Variants in GCNT4 observed in about 807,000 individuals in gnomAD.
GCNT4 encodes the protein glucosaminyl (N-acetyl) transferase 4, also known as beta-1,3-galactosyl-O-glycosyl-glycoprotein beta-1,6-N-acetylglucosaminyltransferase 4.
Under a neutral mutation model 31.3 loss-of-function variants are expected in GCNT4, and 17 were observed. The observed-to-expected ratio is 0.54, with a 90% CI of 0.37 to 0.81. GCNT4 has a LOEUF of 0.81. Among genes scored for constraint, GCNT4 ranks in the 40% least tolerant of loss-of-function variants. The pLI, the probability that GCNT4 is intolerant of heterozygous loss-of-function variation, is 0.00. For missense variants in GCNT4, 503 were observed against 525.5 expected (o/e 0.96, Z 0.42); for synonymous variants, 158 against 190.6 (o/e 0.83, Z 1.41).
chr5:75,041,365 T>C (rs1743315358), intron 3 of GCNT4, among the ~76,000 whole-genome samples: 3 of 152,254 alleles, frequency 2.0e-5, no homozygotes, highest in Admixed American at 6.5e-5. Flanking sequence ...TTGATGTTCC[T>C]GTGGAATGTA....
intron 3 of GCNT4, among the ~76,000 whole-genome samples, chr5:75,036,410 T>C (rs1580240102): frequency 6.6e-6 from 1 of 152,242 alleles, no homozygotes; most frequent in East Asian, 1.9e-4. Context: ...GTTACAGTTC[T>C]AGAAAGTGCT....
intron 3 of GCNT4, among the ~76,000 whole-genome samples, chr5:75,041,383 T>C (rs928608080): frequency 3.3e-5 from 5 of 152,252 alleles, no homozygotes; most frequent in African/African-American, 4.8e-5. Context: ...GTATGACAAT[T>C]GACAGCTTTC....
downstream of GCNT4, among the ~76,000 whole-genome samples, chr5:75,024,567 G>A (rs763617394): frequency 6.6e-6 from 1 of 152,162 alleles, no homozygotes; most frequent in Non-Finnish European, 1.5e-5. Flanking sequence ...CAGTAGAGCT[G>A]GGAGAACAGA....
chr5:75,023,615 A>G (rs1742907131), downstream of GCNT4, among the ~76,000 whole-genome samples: 1 of 152,328 alleles, frequency 6.6e-6, no homozygotes, highest in East Asian at 1.9e-4. Context: ...CATAAAGACC[A>G]TGTAGCAACA....
intron 2 of GCNT4, among the ~76,000 whole-genome samples, chr5:75,051,872 G>C (rs1335053368): frequency 6.6e-6 from 1 of 152,112 alleles, no homozygotes; most frequent in African/African-American, 2.4e-5. Flanking sequence ...AAAATTCAGC[G>C]GCCACACAGT....
the GCNT4 span, among the ~76,000 whole-genome samples, chr5:75,018,233 T>A: frequency 3.3e-5 from 5 of 152,180 alleles, no homozygotes; most frequent in African/African-American, 1.2e-4. Context: ...TCAGCATAGA[T>A]GTTGTGCCTG....
chr5:75,040,609 G>A (rs939222950), intron 3 of GCNT4, among the ~76,000 whole-genome samples: 1 of 152,188 alleles, frequency 6.6e-6, no homozygotes, highest in Non-Finnish European at 1.5e-5. Context: ...CAGTGCAACT[G>A]TGAAAGTCTT....
downstream of GCNT4, among the ~76,000 whole-genome samples, chr5:75,024,724 G>A (rs1392341730): frequency 1.3e-5 from 2 of 152,060 alleles, no homozygotes; most frequent in Non-Finnish European, 2.9e-5. Flanking sequence ...CAGCACTTTG[G>A]GAGGATCACG....
chr5:75,029,928 A>T lies in GCNT4; in HGVS notation c.110T>A (p.Leu37His). ...CAAGTAAATGTCTTTTTGCGGAAAG[A>T]GTCGTCTCACATTTAGAAGCTTTAA... ...SLLKLLNVRRLFPQKDIYLVE... is the reference protein window; with the variant it reads ...SLLKLLNVRRHFPQKDIYLVE... The change falls in exon 4 of 4, where the codon CTC becomes CAC. Residue 37 changes from leucine (L) to histidine (H), a missense_variant. By Grantham distance (99) the Leu-to-His change is moderately conservative. Coordinates refer to ENST00000652361, the MANE Select transcript of GCNT4 (RefSeq NM_001366737.1). 6.2e-7 allele frequency: 1 copy of T among 1,614,194 alleles called. No homozygotes were observed. Among genetic ancestry groups the T allele is most frequent in the Non-Finnish European group, 8.5e-7 (1 of 1,180,028 alleles).
rs1448547088 is a variant in GCNT4, at chr5:75,052,194, A to T, written c.-168T>A. 6.6e-6 allele frequency: 1 copy of T among 151,298 alleles called. No homozygotes were observed. Among genetic ancestry groups the T allele is most frequent in the South Asian group, 2.1e-4 (1 of 4,794 alleles). The allele number at this position is 151,298 out of a possible 1,614,324, so 9.4% of individuals were successfully genotyped here. On this transcript the variant is annotated 5_prime_UTR_variant, in exon 2 of 4. Transcript: ENST00000652361. ...ATGAGACAATTAAACGCATTATATT[A>T]GCCCCAACTCTGTTAATCTTCTGGT...
chr5:75,024,639 C>T (rs1207119877), downstream of GCNT4, among the ~76,000 whole-genome samples: 2 of 152,128 alleles, frequency 1.3e-5, no homozygotes, highest in Non-Finnish European at 2.9e-5. Flanking sequence ...TGTCTGCGTG[C>T]TCACAACCAA....
the GCNT4 span, among the ~76,000 whole-genome samples, chr5:75,017,255 T>C: frequency 2.0e-5 from 3 of 152,196 alleles, no homozygotes; most frequent in South Asian, 2.1e-4. Context: ...TTCCCCTCCA[T>C]TGGAAGCATG....
intron 3 of GCNT4, among the ~76,000 whole-genome samples, chr5:75,033,033 A>G (rs1037245821): frequency 1.6e-4 from 25 of 152,206 alleles, no homozygotes; most frequent in African/African-American, 5.5e-4. Flanking sequence ...TCACTGTATT[A>G]GTCCATGGAG....
downstream of GCNT4, among the ~76,000 whole-genome samples, chr5:75,025,000 T>A (rs1742926458): frequency 6.6e-6 from 1 of 151,066 alleles, no homozygotes; most frequent in South Asian, 2.1e-4. Flanking sequence ...ATATTGATTT[T>A]CCAGGAAGTG....
intron 2 of GCNT4, among the ~76,000 whole-genome samples, chr5:75,050,027 G>A (rs1205328144): frequency 1.3e-5 from 2 of 152,236 alleles, no homozygotes; most frequent in Non-Finnish European, 2.9e-5. Flanking sequence ...TACCCCTTAG[G>A]TGTGGTGCCG....
the GCNT4 span, among the ~76,000 whole-genome samples, chr5:75,018,960 C>T: frequency 6.6e-6 from 1 of 152,074 alleles, no homozygotes; most frequent in African/African-American, 2.4e-5. Context: ...ATACTGACTC[C>T]CCTGAGTCAC....
At chr5:75,022,482 G>C (rs1742891562), downstream of GCNT4, among the ~76,000 whole-genome samples, 1 of 152,174 alleles carries the variant, frequency 6.6e-6, no homozygotes, top group African/African-American at 2.4e-5. Context: ...GTTCAGGAAA[G>C]ATATCCTAAC....
intron 3 of GCNT4, among the ~76,000 whole-genome samples, chr5:75,033,017 C>G (rs1251082567): frequency 6.6e-6 from 1 of 151,928 alleles, no homozygotes; most frequent in Non-Finnish European, 1.5e-5. Context: ...TTGGCTATTT[C>G]TTTTCTCACT....
rs1462874880 is a variant in GCNT4 at position 75,029,904 on chromosome 5, A to T, written c.134T>A (p.Leu45Ter). ...RRLFPQKDIYLVEYSLSTSPF... is the reference protein window; with the variant it reads ...RRLFPQKDIY ...CGAGGTACTTAGGGAGTACTCAACC[A>T]AGTAAATGTCTTTTTGCGGAAAGAG... is the stretch of plus-strand genomic sequence containing the variant. The change falls in exon 4 of 4, where the codon TTG (leucine) becomes TAG (stop). Residue 45 changes from leucine to a stop codon, truncating the protein, a stop_gained. Coordinates refer to ENST00000652361, the MANE Select transcript of GCNT4 (RefSeq NM_001366737.1). LOFTEE classifies it high-confidence loss of function. 6.2e-7 allele frequency: 1 copy of T among 1,614,076 alleles called. No homozygotes were observed. The highest frequency in any genetic ancestry group is 2.2e-5 in the East Asian group (1 of 44,882).
Sources: gnomAD v4.1 joint callset for allele counts (sites outside exome capture counted in the v4.1 genomes callset) on GRCh38, gnomAD v4.1.1 for gene constraint, MANE v1.5 for transcripts, NCBI Gene and HGNC (gene_info 2026-07-23, HGNC 2026-07-21) for gene names.